SGSH: variants seen among roughly 807,000 people sequenced by gnomAD.
The protein encoded by SGSH is heparan sulfate sulfatase.
A neutral mutation model predicts 51.0 loss-of-function variants in SGSH; 48 were observed. The ratio of observed to expected loss-of-function variants is 0.94; its 90% CI spans 0.75 to 1.20. The LOEUF is 1.20. Among genes scored for constraint, SGSH ranks in the 50% most tolerant of loss-of-function variants. SGSH has a pLI of 0.00. For missense variants in SGSH, 662 were observed against 717.8 expected (o/e 0.92, Z 0.89); for synonymous variants, 321 against 313.4 (o/e 1.02, Z -0.26).
At position 80,212,343 on chromosome 17, in the gene SGSH, G is replaced by C; in HGVS notation, c.746-69C>G. On this transcript the variant is annotated intron_variant, in intron 6 of 7. Coordinates refer to ENST00000326317, the MANE Select transcript of SGSH (RefSeq NM_000199.5). The surrounding 1 kb of genome is among the most constrained non-coding windows in gnomAD (Gnocchi z 5.9). ...AGGGAGGCAGCGGGTGGTGTGTGTAGACCCACCTGCTGCTGCATCCGGCCG... is the reference window on the plus strand; with the variant it reads ...AGGGAGGCAGCGGGTGGTGTGTGTACACCCACCTGCTGCTGCATCCGGCCG... 1 of 1,334,680 alleles carries C rather than the reference G, an allele frequency of 7.5e-7. No individual in the cohort carries two copies. Among genetic ancestry groups the C allele is most frequent in the Non-Finnish European group, 1.1e-6 (1 of 950,660 alleles). 82.7% of individuals were successfully genotyped at this position (1,334,680 alleles called of 1,614,324 possible). A position where few individuals can be genotyped will look rare whatever the true frequency, so the allele number is the denominator to read the frequency against.
downstream of SGSH, chr17:80,206,997 C>T: frequency 6.2e-7 from 1 of 1,613,068 alleles, no homozygotes. Context: ...GGACGTCCAG[C>T]TGGACAGTGT....
At position 80,213,729 on chromosome 17, in the gene SGSH, C is replaced by T; in HGVS notation, c.745+75G>A. On this transcript the variant is annotated intron_variant, in intron 6 of 7. Coordinates refer to ENST00000326317, the MANE Select transcript of SGSH (RefSeq NM_000199.5). This position sits in a 1 kb window ranked among gnomAD's most constrained non-coding sequence, Gnocchi z 4.6. ...GACCCTCACCCACATTATGCCGTGACCTAAGAGGGCGCTGGCCCAGGATGG... is the reference window on the plus strand; with the variant it reads ...GACCCTCACCCACATTATGCCGTGATCTAAGAGGGCGCTGGCCCAGGATGG... 2 of 1,292,554 alleles carry T rather than the reference C, an allele frequency of 1.5e-6. No homozygotes were observed. Among genetic ancestry groups the T allele is most frequent in the South Asian group, 2.5e-5 (2 of 79,620 alleles). The allele number at this position is 1,292,554 out of a possible 1,614,324, so 80.1% of individuals were successfully genotyped here. A position where few individuals can be genotyped will look rare whatever the true frequency, so the allele number is the denominator to read the frequency against.
chr17:80,201,808 C>G (rs918043908), downstream of SGSH: 4 of 1,613,766 alleles, frequency 2.5e-6, no homozygotes, highest in Non-Finnish European at 3.4e-6. This position sits in a 1 kb window ranked among gnomAD's most constrained non-coding sequence, Gnocchi z 5.0. Flanking sequence ...CTGGAGGAGG[C>G]CGTGGGGCTT....
chr17:80,218,962 C>G (rs756005890), intron 1 of SGSH, among the ~76,000 whole-genome samples: 1 of 151,958 alleles, frequency 6.6e-6, no homozygotes, highest in Non-Finnish European at 1.5e-5. Flanking sequence ...GAGTTCGAGA[C>G]CAGTCTGGGC....
At chr17:80,207,208 C>T (rs62074416), downstream of SGSH, 43,445 of 626,828 alleles carry the variant, frequency 0.069, 1,824 homozygotes, top group Non-Finnish European at 0.089. Context: ...CTGACAGGGC[C>T]GTTTCCGCAC....
chr17:80,205,244 TTCCC>T (rs1432629128), downstream of SGSH: 18 of 1,541,114 alleles, frequency 1.2e-5, no homozygotes, highest in Middle Eastern at 1.7e-4. Flanking sequence ...CCCTTCCACC[TTCCC>T]TCCCTCCCTC....
At position 80,212,695 on chromosome 17, in the gene SGSH, C is replaced by A; in HGVS notation, c.746-421G>T. ...AAGGCTTCCTCTATACCCGCTCCTT[C>A]CCAGCTCACTAAGAATTAATGGCAC... On this transcript the variant is annotated intron_variant, in intron 6 of 7. Coordinates refer to ENST00000326317, the MANE Select transcript of SGSH (RefSeq NM_000199.5). This position sits in a 1 kb window ranked among gnomAD's most constrained non-coding sequence, Gnocchi z 5.9. 3.3e-6 allele frequency: 1 copy of A among 300,562 alleles called. No individual in the cohort carries two copies. Among genetic ancestry groups the A allele is most frequent in the Non-Finnish European group, 6.5e-6 (1 of 153,436 alleles). The allele number at this position is 300,562 out of a possible 1,614,324, so 18.6% of individuals were successfully genotyped here.
chr17:80,201,883 C>T (rs1437676432), downstream of SGSH: 4 of 1,603,710 alleles, frequency 2.5e-6, no homozygotes, highest in Non-Finnish European at 3.4e-6. This position sits in a 1 kb window ranked among gnomAD's most constrained non-coding sequence, Gnocchi z 5.0. Flanking sequence ...ACACATACCA[C>T]TCCTCTCGTG....
Position 80,212,622 on chromosome 17 carries a change from G to A in SGSH, c.746-348C>T, listed in dbSNP as rs1316472922. ...GGAGCAAATAGGGCAGGGGCCAGAG[G>A]ACGAGGCTTCCTCTATACTCGCTCC... is the stretch of plus-strand genomic sequence containing the variant. On this transcript the variant is annotated intron_variant, in intron 6 of 7. Transcript: ENST00000326317. This position sits in a 1 kb window ranked among gnomAD's most constrained non-coding sequence, Gnocchi z 5.9. 8 of 395,032 alleles carry A rather than the reference G, an allele frequency of 2.0e-5. No individual in the cohort carries two copies. The highest frequency in any genetic ancestry group is 3.4e-5 in the Non-Finnish European group (7 of 206,820). The allele number at this position is 395,032 out of a possible 1,614,324, so 24.5% of individuals were successfully genotyped here.
At chr17:80,219,779 A>AG (rs769696634) in intron 1 of SGSH, 2 of 158,738 alleles carry the variant, frequency 1.3e-5, no homozygotes, top group Non-Finnish European at 2.8e-5. Flanking sequence ...TGGGTGGTGG[A>AG]GGGCTGTGCC....
rs1418513449 is a variant in SGSH at position 80,214,270 on chromosome 17, G to C, written c.565C>G (p.Gln189Glu). Reference sequence around the variant, plus strand: ...AACTTCTCACAGAAGGTTCCGTACTGGGGCTGGGAGTGCCCACAGCGGTGG... The same window carrying C: ...AACTTCTCACAGAAGGTTCCGTACTCGGGCTGGGAGTGCCCACAGCGGTGG... Reference protein sequence around the residue: ...DPHRCGHSQPQYGTFCEKFGN... With the variant: ...DPHRCGHSQPEYGTFCEKFGN... Residue 189 changes from glutamine to glutamate, a missense_variant, in exon 5 of 8, where the codon CAG (glutamine) becomes GAG (glutamate). Gln to Glu is a conservative substitution (Grantham distance 29, BLOSUM62 2). Coordinates refer to ENST00000326317, the MANE Select transcript of SGSH (RefSeq NM_000199.5). 1 of 1,613,156 alleles carries C rather than the reference G, an allele frequency of 6.2e-7. No homozygotes were observed. The highest frequency in any genetic ancestry group is 1.3e-5 in the African/African-American group (1 of 74,932).
chr17:80,214,438 C>T (rs1192316547), intron 4 of SGSH, 110 bp from the exon 5 acceptor site: 1 of 1,374,788 alleles, frequency 7.3e-7, no homozygotes, highest in Admixed American at 2.1e-5. Flanking sequence ...CTGTGACCCT[C>T]ACTGCCTCAG....
At chr17:80,203,808 G>A, downstream of SGSH, 1 of 1,562,030 alleles carries the variant, frequency 6.4e-7, no homozygotes, top group Non-Finnish European at 8.7e-7. The surrounding 1 kb of genome is among the most constrained non-coding windows in gnomAD (Gnocchi z 4.6). Context: ...CAGGGCCTCT[G>A]CTGGTCTCTG....
downstream of SGSH, among the ~76,000 whole-genome samples, chr17:80,207,444 G>C (rs1336155290): frequency 6.6e-6 from 1 of 152,098 alleles, no homozygotes; most frequent in African/African-American, 2.4e-5. Flanking sequence ...CCAGCTACTC[G>C]GGAGGCTGAG....
downstream of SGSH, among the ~76,000 whole-genome samples, chr17:80,206,488 G>A (rs1327235023): frequency 1.3e-5 from 2 of 151,976 alleles, no homozygotes; most frequent in East Asian, 1.9e-4. Flanking sequence ...AAAGTGGGCC[G>A]GGTGCGGTGG....
At chr17:80,211,962 G>T in intron 7 of SGSH, 109 bp downstream of exon 7, 1 of 880,608 alleles carries the variant, frequency 1.1e-6, no homozygotes, top group Non-Finnish European at 1.9e-6. Flanking sequence ...TCACCCAGAT[G>T]ATATGAGAGC....
At chr17:80,219,989 G>A (rs1182421465) in intron 1 of SGSH, 1 of 417,238 alleles carries the variant, frequency 2.4e-6, no homozygotes, top group Non-Finnish European at 4.3e-6. Context: ...GCGGCACGAG[G>A]TAAGTGTAGG....
At chr17:80,205,478 C>T (rs2041247120), downstream of SGSH, 3 of 1,560,190 alleles carry the variant, frequency 1.9e-6, no homozygotes, top group South Asian at 3.5e-5. Flanking sequence ...ATGGGACTCC[C>T]CCAGACCCCC....
At chr17:80,202,042 C>T, downstream of SGSH, 2 of 1,203,714 alleles carry the variant, frequency 1.7e-6, no homozygotes, top group South Asian at 1.4e-5. Flanking sequence ...TGGAAACCTC[C>T]CACCCACTGA....
Sources: gnomAD v4.1 joint callset for allele counts (sites outside exome capture counted in the v4.1 genomes callset) on GRCh38, gnomAD v4.1.1 for gene constraint, Gnocchi (gnomAD v3.1) non-coding constraint, MANE v1.5 for transcripts, NCBI Gene and HGNC (gene_info 2026-07-23, HGNC 2026-07-21) for gene names.